WASHC2A: variants seen among roughly 807,000 people sequenced by gnomAD.
WASHC2A encodes WASH complex subunit 2A, also known as WASH complex subunit FAM21A.
Under a neutral mutation model 140.3 loss-of-function variants are expected in WASHC2A, and 82 were observed. The ratio of observed to expected loss-of-function variants is 0.58; its 90% CI spans 0.49 to 0.70. WASHC2A has a LOEUF of 0.70. WASHC2A is among the 30% of genes least tolerant of loss of function. The pLI, the probability that WASHC2A is intolerant of heterozygous loss-of-function variation, is 0.00. For synonymous variants in WASHC2A, 340 were observed against 560.8 expected (o/e 0.61, Z 5.56); for missense variants, 985 against 1,521.8 (o/e 0.65, Z 5.87).
intron 13 of WASHC2A, 56 bp from the exon 14 acceptor site, chr10:50,095,092 T>C: frequency 6.3e-6 from 10 of 1,593,600 alleles, no homozygotes; most frequent in Middle Eastern, 2.3e-4. Flanking sequence ...AGGAAGAAAA[T>C]AGCAAGGAAA....
intron 15 of WASHC2A, 111 bp downstream of exon 15, chr10:50,095,889 C>G (rs1435011695): frequency 3.4e-5 from 48 of 1,395,256 alleles, no homozygotes; most frequent in Middle Eastern, 2.5e-4. Flanking sequence ...AATCCCTTCT[C>G]CAGCATTCCT....
chr10:50,122,164 G>C (rs2133030766), intron 23 of WASHC2A, among the ~76,000 whole-genome samples: 1 of 148,332 alleles, frequency 6.7e-6, no homozygotes, highest in Middle Eastern at 3.4e-3. Flanking sequence ...GTAGAATTGA[G>C]AGTCTAGAAA....
At position 50,130,901 on chromosome 10, in the gene WASHC2A, G is replaced by T. The variant is rs1485180135; in HGVS notation, c.3709G>T (p.Asp1237Tyr). 1.3e-5 allele frequency: 21 copies of T among 1,601,592 alleles called. No homozygotes were observed. The South Asian group carries it at 2.0e-4, about 16-fold the overall frequency. ...TTGTATGTATTTTTGGCTTAACAAG[G>T]ATGATATATTTGCTACGGAAGCAAT... ...VILTTQDIFEDDIFATEAIKP... is the reference protein window; with the variant it reads ...VILTTQDIFEYDIFATEAIKP... The change falls in exon 30 of 31, where the codon GAT (aspartate) becomes TAT (tyrosine). Residue 1237 changes from aspartate to tyrosine, a missense_variant and splice_region_variant. Transcript: ENST00000282633.
At position 50,119,738 on chromosome 10, in the gene WASHC2A, T is replaced by A; in HGVS notation, c.2447T>A (p.Ile816Asn). 1.9e-6 allele frequency: 3 copies of A among 1,605,348 alleles called. No homozygotes were observed. Among genetic ancestry groups the A allele is most frequent in the Non-Finnish European group, 2.5e-6 (3 of 1,179,600 alleles). Residue 816 changes from isoleucine to asparagine, a missense_variant, in exon 23 of 31, where the codon ATT (isoleucine) becomes AAT (asparagine). Coordinates refer to ENST00000282633, the MANE Select transcript of WASHC2A (RefSeq NM_001005751.3). Reference sequence around the variant, plus strand: ...GAGGATAAAATGGAAGATCAAAACATTATCCAGGCTCCACAGAAAGAAGTA... The same window carrying A: ...GAGGATAAAATGGAAGATCAAAACAATATCCAGGCTCCACAGAAAGAAGTA... Reference protein sequence around the residue: ...EEEDKMEDQNIIQAPQKEVGK... With the variant: ...EEEDKMEDQNNIQAPQKEVGK...
chr10:50,072,277 G>A (rs1450839722), intron 3 of WASHC2A, among the ~76,000 whole-genome samples: 3 of 150,642 alleles, frequency 2.0e-5, no homozygotes, highest in African/African-American at 4.9e-5. Flanking sequence ...ATGCCCCTTC[G>A]CCTTCCAGTC....
At chr10:50,103,386 C>T (rs1364606944) in intron 17 of WASHC2A, among the ~76,000 whole-genome samples, 6 of 151,776 alleles carry the variant, frequency 4.0e-5, no homozygotes, top group Admixed American at 2.6e-4. Context: ...GGTGAAACCC[C>T]GTCTCTACTA....
chr10:50,076,889 G>T (rs1201541079), intron 3 of WASHC2A, among the ~76,000 whole-genome samples: 3 of 148,510 alleles, frequency 2.0e-5, no homozygotes, highest in African/African-American at 7.8e-5. Context: ...AGGCTGAGGT[G>T]GGCGAATCAC....
intron 8 of WASHC2A, among the ~76,000 whole-genome samples, chr10:50,087,650 A>G (rs1554881448): frequency 6.6e-6 from 1 of 152,002 alleles, no homozygotes; most frequent in Non-Finnish European, 1.5e-5. Flanking sequence ...ATTGGAGACA[A>G]TCTAGCAGTA....
rs761911701 is a variant in WASHC2A, at chr10:50,129,997, TAGTC to T, written c.3669_3672del (p.Gln1224ArgfsTer5). The T allele has an allele frequency of 1.3e-4, 217 of 1,611,900 alleles. 1 individual carries two copies. The East Asian group carries it at 4.2e-3, about 31-fold the overall frequency. On this transcript the variant is annotated frameshift_variant, in exon 29 of 31. Coordinates refer to ENST00000282633, the MANE Select transcript of WASHC2A (RefSeq NM_001005751.3). LOFTEE classifies it high-confidence loss of function. Reference sequence around the variant, plus strand: ...TCAAGAAGAATGAGACAAAATCCAATAGTCAGCAGGATGTCATATTAACAACACA... The same window carrying T: ...TCAAGAAGAATGAGACAAAATCCAATAGCAGGATGTCATATTAACAACACA...
intron 8 of WASHC2A, among the ~76,000 whole-genome samples, chr10:50,087,738 A>AT (rs1839509231): frequency 2.0e-5 from 3 of 152,224 alleles, no homozygotes; most frequent in Admixed American, 2.0e-4. Context: ...TGAATAGCTA[A>AT]AGGCGTATTC....
At chr10:50,074,805 A>T (rs1246213461) in intron 3 of WASHC2A, among the ~76,000 whole-genome samples, 13 of 152,094 alleles carry the variant, frequency 8.5e-5, no homozygotes, top group African/African-American at 2.9e-4. Context: ...AGTCCCAGCT[A>T]CTCGGGAGCT....
At chr10:50,088,097 G>A (rs1200307219) in intron 8 of WASHC2A, among the ~76,000 whole-genome samples, 1 of 151,776 alleles carries the variant, frequency 6.6e-6, no homozygotes, top group Non-Finnish European at 1.5e-5. Context: ...GGGATTACAG[G>A]CGTGAGCCAC....
chr10:50,130,831 G>A (rs1229917034), intron 29 of WASHC2A, 70 bp from the exon 30 acceptor site: 28 of 1,605,996 alleles, frequency 1.7e-5, no homozygotes, highest in East Asian at 2.2e-5. Context: ...TCCATAGCTC[G>A]TTGTTGTGTT....
chr10:50,074,566 C>G (rs1413415966), intron 3 of WASHC2A, among the ~76,000 whole-genome samples: 2 of 152,008 alleles, frequency 1.3e-5, no homozygotes, highest in Non-Finnish European at 2.9e-5. Flanking sequence ...GGGAGCCTCT[C>G]AAGGTTTAGC....
At chr10:50,090,515 A>AAAAAAAAATATATATATATATATATAT (rs1214596899) in intron 8 of WASHC2A, among the ~76,000 whole-genome samples, 1 of 108,766 alleles carries the variant, frequency 9.2e-6, no homozygotes, top group African/African-American at 3.3e-5. Flanking sequence ...AAAAAAAAAA[A>AAAAAAAAATATATATATATATATATAT]ATATATATAT....
chr10:50,103,467 G>C (rs1589232041), intron 17 of WASHC2A, among the ~76,000 whole-genome samples: 1 of 152,272 alleles, frequency 6.6e-6, no homozygotes, highest in African/African-American at 2.4e-5. Flanking sequence ...GGCAGAGGCA[G>C]GAGAATGGCG....
intron 3 of WASHC2A, among the ~76,000 whole-genome samples, chr10:50,071,879 A>G (rs1304510183): frequency 6.9e-6 from 1 of 145,614 alleles, no homozygotes; most frequent in Admixed American, 6.8e-5. Context: ...CCTGTTTTCC[A>G]TCCATCTCTC....
At chr10:50,068,733 A>G (rs1288242423) in intron 2 of WASHC2A, among the ~76,000 whole-genome samples, 2 of 149,604 alleles carry the variant, frequency 1.3e-5, no homozygotes, top group African/African-American at 5.0e-5. Context: ...GACTTTTAAA[A>G]GGAGACAGGG....
In WASHC2A at chr10:50,129,749, A is replaced by G. The variant is rs1843769718; in HGVS notation, c.3418A>G (p.Thr1140Ala). The change falls in exon 29 of 31, where the codon ACT (threonine) becomes GCT (alanine). Residue 1140 changes from threonine (T) to alanine (A), a missense_variant. Coordinates refer to ENST00000282633, the MANE Select transcript of WASHC2A (RefSeq NM_001005751.3). ...FDSGDIFSTG[T>A]GSQSVERTKP... ...TTCTGGGGACATCTTTTCCACGGGCACTGGATCTCAGTCTGTGGAGAGAAC... is the reference window on the plus strand; with the variant it reads ...TTCTGGGGACATCTTTTCCACGGGCGCTGGATCTCAGTCTGTGGAGAGAAC... The G allele has an allele frequency of 1.2e-6, 2 of 1,611,942 alleles. No individual in the cohort carries two copies. Among genetic ancestry groups the G allele is most frequent in the African/African-American group, 2.7e-5 (2 of 74,870 alleles).
Sources: allele counts gnomAD v4.1 joint callset (sites outside exome capture counted in the v4.1 genomes callset), GRCh38; gene constraint gnomAD v4.1.1; transcripts MANE v1.5; gene names NCBI Gene and HGNC (gene_info 2026-07-23, HGNC 2026-07-21).